The following PPP1R1A variants were observed in gnomAD, a reference collection of about 807,000 sequenced individuals.
PPP1R1A encodes protein phosphatase 1 regulatory subunit 1A.
A neutral mutation model predicts 23.9 loss-of-function variants in PPP1R1A; 18 were observed. The observed-to-expected ratio is 0.75, with a 90% CI of 0.52 to 1.12. The LOEUF (loss-of-function observed/expected upper bound fraction) is 1.12. Among genes scored for constraint, PPP1R1A ranks in the 50% most tolerant of loss-of-function variants. The pLI is 0.00. For missense variants in PPP1R1A, 207 were observed against 223.8 expected (o/e 0.92, Z 0.48); for synonymous variants, 84 against 80.7 (o/e 1.04, Z -0.22).
At chr12:54,584,504 G>A (rs1220380905) in intron 1 of PPP1R1A, among the ~76,000 whole-genome samples, 184 bp from the exon 2 acceptor site, 1 of 152,118 alleles carries the variant, frequency 6.6e-6, no homozygotes, top group African/African-American at 2.4e-5. Context: ...ACCAAATACT[G>A]CGTGTTCTCA....
intron 3 of PPP1R1A, 33 bp from the exon 4 acceptor site, chr12:54,582,828 G>A (rs1957869300): frequency 6.2e-7 from 1 of 1,603,356 alleles, no homozygotes; most frequent in Non-Finnish European, 8.5e-7. Context: ...ATGGGCGCCA[G>A]CCCCCCCTTG....
chr12:54,584,801 C>G (rs1191739292), intron 1 of PPP1R1A, among the ~76,000 whole-genome samples: 1 of 152,100 alleles, frequency 6.6e-6, no homozygotes, highest in Non-Finnish European at 1.5e-5. Context: ...TCCCCCTCCC[C>G]TGGGGAGAGC....
In PPP1R1A at chr12:54,579,503, T is replaced by C. The variant is rs1255286824; in HGVS notation, c.*884A>G. The C allele has an allele frequency of 4.1e-6, 4 of 985,278 alleles. No homozygotes were observed. Among genetic ancestry groups the C allele is most frequent in the African/African-American group, 3.5e-5 (2 of 57,202 alleles). The allele number at this position is 985,278 out of a possible 1,614,324, so 61.0% of individuals were successfully genotyped here. On this transcript the variant is annotated 3_prime_UTR_variant, in exon 7 of 7. Coordinates refer to ENST00000257905, the MANE Select transcript of PPP1R1A (RefSeq NM_006741.4). ...TTCAGCAGGGAGGGGGAAAGAATCTTGCCTTCCCTCCTTTCCTCTCTCCCA... is the reference window on the plus strand; with the variant it reads ...TTCAGCAGGGAGGGGGAAAGAATCTCGCCTTCCCTCCTTTCCTCTCTCCCA...
intron 3 of PPP1R1A, 95 bp downstream of exon 3, chr12:54,583,116 A>G: frequency 2.2e-6 from 3 of 1,367,802 alleles, no homozygotes; most frequent in Non-Finnish European, 3.0e-6. Context: ...GGGAGTCAAA[A>G]AGATCCTAGA....
chr12:54,585,867 T>C (rs1413064869), intron 1 of PPP1R1A, among the ~76,000 whole-genome samples: 1 of 152,074 alleles, frequency 6.6e-6, no homozygotes, highest in East Asian at 1.9e-4. Flanking sequence ...TTCAGTGGCA[T>C]CTGTTTTTGG....
At position 54,579,736 on chromosome 12, in the gene PPP1R1A, C is replaced by T. The variant is rs139318047; in HGVS notation, c.*651G>A. 66 of 985,478 alleles carry T rather than the reference C, an allele frequency of 6.7e-5. No homozygotes were observed. The East Asian group carries it at 5.3e-3, about 80-fold the overall frequency. 61.0% of individuals were successfully genotyped at this position (985,478 alleles called of 1,614,324 possible). On this transcript the variant is annotated 3_prime_UTR_variant, in exon 7 of 7. Coordinates refer to ENST00000257905, the MANE Select transcript of PPP1R1A (RefSeq NM_006741.4). ...GCTAACGGGTTGAAATAAGGGACAG[C>T]GGTCCCACAGCTGGAAGAGGGAACA...
At chr12:54,588,221 A>G (rs1957929338) in intron 1 of PPP1R1A, among the ~76,000 whole-genome samples, 184 bp downstream of exon 1, 1 of 151,684 alleles carries the variant, frequency 6.6e-6, no homozygotes, top group African/African-American at 2.4e-5. Context: ...CACAGATTCG[A>G]GATGTGGCTC....
chr12:54,588,257 C>A, intron 1 of PPP1R1A, 148 bp downstream of exon 1: 1 of 95,300 alleles, frequency 1.0e-5, no homozygotes, highest in South Asian at 3.0e-4. Context: ...GGACAGAAGA[C>A]CCCCCCCCGC....
chr12:54,585,416 C>T (rs1957900206), intron 1 of PPP1R1A, among the ~76,000 whole-genome samples: 1 of 152,172 alleles, frequency 6.6e-6, no homozygotes, highest in Admixed American at 6.5e-5. Context: ...TTTTGTCACG[C>T]TGCCAATAAA....
At chr12:54,585,945 G>A (rs551947106) in intron 1 of PPP1R1A, among the ~76,000 whole-genome samples, 50 of 152,220 alleles carry the variant, frequency 3.3e-4, no homozygotes, top group Admixed American at 7.2e-4. Context: ...TGGATGAGCC[G>A]CACAGACATT....
chr12:54,580,506 C>T, intron 6 of PPP1R1A, 114 bp from the exon 7 acceptor site: 1 of 1,082,688 alleles, frequency 9.2e-7, no homozygotes, highest in Non-Finnish European at 1.4e-6. Context: ...AAAGCTTGTT[C>T]TGATGTCTGA....
In PPP1R1A at chr12:54,579,908, AC is replaced by A. The variant is rs1173620345; in HGVS notation, c.*478del. ...TTGTCCAGCAGATGGAGCCCACCGC[AC>A]AGTCACAGCTGGACACGGCACAGGC... is the stretch of plus-strand genomic sequence containing the variant. On this transcript the variant is annotated 3_prime_UTR_variant, in exon 7 of 7. Transcript: ENST00000257905. 2.7e-5 allele frequency: 27 copies of A among 986,852 alleles called. No individual in the cohort carries two copies. The South Asian group carries it at 6.6e-4, about 24-fold the overall frequency. 61.1% of individuals were successfully genotyped at this position (986,852 alleles called of 1,614,324 possible).
chr12:54,583,163 G>A, intron 3 of PPP1R1A, 48 bp downstream of exon 3: 1 of 1,529,486 alleles, frequency 6.5e-7, no homozygotes, highest in Admixed American at 2.1e-5. Context: ...ATCCCCTAAT[G>A]AATGTGGGGG....
Position 54,583,105 on chromosome 12 carries a change from C to T in PPP1R1A, c.183+106G>A, listed in dbSNP as rs548957076. On this transcript the variant is annotated intron_variant, in intron 3 of 6. Transcript: ENST00000257905. ...TTTGGGGGGTAGAGGTACAGGGAAGCGGGAGTCAAAAAGATCCTAGAGATG... is the reference window on the plus strand; with the variant it reads ...TTTGGGGGGTAGAGGTACAGGGAAGTGGGAGTCAAAAAGATCCTAGAGATG... 3.9e-4 allele frequency: 487 copies of T among 1,236,774 alleles called. 3 individuals are homozygous for T. The South Asian group carries it at 5.7e-3, about 14-fold the overall frequency. The allele number at this position is 1,236,774 out of a possible 1,614,324, so 76.6% of individuals were successfully genotyped here. A position where few individuals can be genotyped will look rare whatever the true frequency, so the allele number is the denominator to read the frequency against.
intron 4 of PPP1R1A, 98 bp downstream of exon 4, chr12:54,582,634 T>C (rs1015723133): frequency 1.8e-5 from 25 of 1,400,788 alleles, no homozygotes; most frequent in Non-Finnish European, 2.5e-5. Flanking sequence ...TCTACCATAA[T>C]AAAGGCAGAT....
chr12:54,585,954 T>A (rs1020986771), intron 1 of PPP1R1A, among the ~76,000 whole-genome samples: 7 of 152,282 alleles, frequency 4.6e-5, no homozygotes, highest in Middle Eastern at 3.4e-3. Flanking sequence ...CGCACAGACA[T>A]TAACTGTGAG....
At position 54,581,533 on chromosome 12, in the gene PPP1R1A, T is replaced by C. The variant is rs1213261267; in HGVS notation, c.403+443A>G. On this transcript the variant is annotated intron_variant, in intron 5 of 6. Transcript: ENST00000257905. This position sits in a 1 kb window ranked among gnomAD's most constrained non-coding sequence, Gnocchi z 4.1. ...GCGCACTGCTACCAGCTTCCACTTA[T>C]TGCATGCTCTGTGTGTGTCGGGTGC... Among the ~76,000 whole-genome samples, 1 of 152,254 alleles carries C rather than the reference T, an allele frequency of 6.6e-6. No homozygotes were observed. Among genetic ancestry groups the C allele is most frequent in the African/African-American group, 2.4e-5 (1 of 41,460 alleles).
At position 54,582,072 on chromosome 12, in the gene PPP1R1A, C is replaced by G; in HGVS notation, c.307G>C (p.Gly103Arg). ...GQQQQGEEPEGAAESTGTQES... is the reference protein window; with the variant it reads ...GQQQQGEEPERAAESTGTQES... ...TGGGTTCCTGTGCTCTCAGCGGCCC[C>G]CTCAGGTTCCTCTCCTTGCTGCTGT... Residue 103 changes from glycine (G) to arginine (R), a missense_variant, in exon 5 of 7, where the codon GGG (glycine) becomes CGG (arginine). Gly to Arg is a moderately radical substitution (Grantham distance 125). Transcript: ENST00000257905. The G allele has an allele frequency of 6.2e-7, 1 of 1,613,840 alleles. No homozygotes were observed. Among genetic ancestry groups the G allele is most frequent in the Non-Finnish European group, 8.5e-7 (1 of 1,179,808 alleles).
In PPP1R1A at chr12:54,585,565, A is replaced by G. The variant is rs778621612; in HGVS notation, c.85-1245T>C. Among the ~76,000 whole-genome samples the G allele has an allele frequency of 1.2e-4, 18 of 152,176 alleles. No homozygotes were observed. In the South Asian group the frequency reaches 1.7e-3, roughly 14 times the overall value. ...CCTCTAGGTTAGCAGTGGGGAGGGA[A>G]GGCAAATGGGGCTGGGAAAAGGGCT... is the stretch of plus-strand genomic sequence containing the variant. On this transcript the variant is annotated intron_variant, in intron 1 of 6. Transcript: ENST00000257905.
Sources: gnomAD v4.1 joint callset for allele counts (sites outside exome capture counted in the v4.1 genomes callset) on GRCh38, gnomAD v4.1.1 for gene constraint, Gnocchi (gnomAD v3.1) non-coding constraint, MANE v1.5 for transcripts, NCBI Gene and HGNC (gene_info 2026-07-23, HGNC 2026-07-21) for gene names.